The following MVB12B variants were observed in gnomAD, a reference collection of about 807,000 sequenced individuals.
MVB12B encodes multivesicular body subunit 12B, also known as ESCRT-I complex subunit MVB12B.
A neutral mutation model predicts 41.6 loss-of-function variants in MVB12B; 16 were observed. That is an observed-to-expected ratio of 0.38 (90% CI 0.26 to 0.58). The LOEUF is 0.58. MVB12B is among the 20% of genes least tolerant of loss of function. The probability of loss-of-function intolerance (pLI) is 0.62; values close to 1 mark genes in which losing one functional copy is unlikely to be tolerated. For synonymous variants in MVB12B, 133 were observed against 139.7 expected (o/e 0.95, Z 0.34); for missense variants, 274 against 380.2 (o/e 0.72, Z 2.32).
chr9:126,496,012 T>C (rs964277166), intron 9 of MVB12B, among the ~76,000 whole-genome samples: 8 of 152,098 alleles, frequency 5.3e-5, no homozygotes, highest in African/African-American at 1.9e-4. Context: ...TGTCACTCAG[T>C]CATGCCCAGG....
chr9:126,481,939 C>T (rs912400054), intron 8 of MVB12B, among the ~76,000 whole-genome samples: 2 of 152,266 alleles, frequency 1.3e-5, no homozygotes, highest in Non-Finnish European at 2.9e-5. Context: ...ACGGAGGCCG[C>T]CATGCAAATG....
At chr9:126,420,063 G>A (rs1371233094) in intron 6 of MVB12B, among the ~76,000 whole-genome samples, 1 of 152,170 alleles carries the variant, frequency 6.6e-6, no homozygotes, top group Non-Finnish European at 1.5e-5. Flanking sequence ...ACTCCCTGGT[G>A]GGTGCCTTTC....
rs751132994 is a variant in MVB12B, at chr9:126,392,099, T to A, written c.443T>A (p.Ile148Asn). The A allele has an allele frequency of 6.2e-7, 1 of 1,614,238 alleles. No homozygotes were observed. The highest frequency in any genetic ancestry group is 8.5e-7 in the Non-Finnish European group (1 of 1,180,018). The change falls in exon 5 of 10, where the codon ATT becomes AAT. Residue 148 changes from isoleucine to asparagine, a missense_variant. By Grantham distance (149) the Ile-to-Asn change is moderately radical. Coordinates refer to ENST00000361171, the MANE Select transcript of MVB12B (RefSeq NM_033446.3). The surrounding 1 kb of genome is among the most constrained non-coding windows in gnomAD (Gnocchi z 4.8). ...EVAFRKKRLC[I>N]KFIPRDSTEA... is the part of the protein sequence containing the mutation. ...GCTTTTAGGAAGAAGAGGCTGTGCA[T>A]TAAATTTATTCCACGGGATTCAACG...
chr9:126,331,507 C>G (rs978527244), intron 1 of MVB12B, among the ~76,000 whole-genome samples: 1 of 152,006 alleles, frequency 6.6e-6, no homozygotes, highest in Non-Finnish European at 1.5e-5. Flanking sequence ...TTTATAGATC[C>G]ACATATTAAC....
chr9:126,401,169 G>T (rs187393641), intron 6 of MVB12B, among the ~76,000 whole-genome samples: 1 of 152,248 alleles, frequency 6.6e-6, no homozygotes, highest in African/African-American at 2.4e-5. Context: ...GGGGGAAAGG[G>T]TTATTTTCCC....
chr9:126,486,919 G>A lies in MVB12B; in HGVS notation c.873+2887G>A, dbSNP rs1447166166. On this transcript the variant is annotated intron_variant, in intron 9 of 9. Transcript: ENST00000361171. The surrounding 1 kb of genome is among the most constrained non-coding windows in gnomAD (Gnocchi z 4.7). ...GGTGGGCCTTCGAGTTGCTGGGGTG[G>A]GGTGAAGTGGGTGACGGTCCCAGTG... Among the ~76,000 whole-genome samples the A allele has an allele frequency of 6.6e-6, 1 of 152,178 alleles. No homozygotes were observed. The highest frequency in any genetic ancestry group is 6.5e-5 in the Admixed American group (1 of 15,282).
At chr9:126,332,977 C>T (rs959593715) in intron 1 of MVB12B, among the ~76,000 whole-genome samples, 1 of 152,192 alleles carries the variant, frequency 6.6e-6, no homozygotes, top group Non-Finnish European at 1.5e-5. Context: ...TGTGCACATA[C>T]GTGTGCTAAG....
chr9:126,499,550 G>C (rs928590249), intron 9 of MVB12B, among the ~76,000 whole-genome samples: 5 of 152,234 alleles, frequency 3.3e-5, no homozygotes, highest in African/African-American at 1.2e-4. Context: ...GGTACTCGCT[G>C]TTTGCCCAAG....
rs149849376 is a variant in MVB12B, at chr9:126,464,179, C to T, written c.758-17190C>T. On this transcript the variant is annotated intron_variant, in intron 7 of 9. Coordinates refer to ENST00000361171, the MANE Select transcript of MVB12B (RefSeq NM_033446.3). ...AGGGGAAGACATCCAGGCAGATGAT[C>T]GGAGCACAGTCATCCACTATGATGG... Among the ~76,000 whole-genome samples, 132 of 152,250 alleles carry T rather than the reference C, an allele frequency of 8.7e-4. 2 individuals carry two copies. In the East Asian group the frequency reaches 0.015, roughly 18 times the overall value.
Position 126,486,785 on chromosome 9 carries a change from C to T in MVB12B, c.873+2753C>T, listed in dbSNP as rs1359657596. On this transcript the variant is annotated intron_variant, in intron 9 of 9. Coordinates refer to ENST00000361171, the MANE Select transcript of MVB12B (RefSeq NM_033446.3). The surrounding 1 kb of genome is among the most constrained non-coding windows in gnomAD (Gnocchi z 4.7). ...ACTGGCCAAAGACAAGGTGGAGACCCAGTGTGTCGTGCTCCAAGTCCTCCC... is the reference window on the plus strand; with the variant it reads ...ACTGGCCAAAGACAAGGTGGAGACCTAGTGTGTCGTGCTCCAAGTCCTCCC... Among the ~76,000 whole-genome samples, 2 of 152,152 alleles carry T rather than the reference C, an allele frequency of 1.3e-5. No individual in the cohort carries two copies. Among genetic ancestry groups the T allele is most frequent in the Admixed American group, 1.3e-4 (2 of 15,276 alleles).
intron 7 of MVB12B, among the ~76,000 whole-genome samples, chr9:126,424,892 C>G (rs186338605): frequency 6.6e-6 from 1 of 152,288 alleles, no homozygotes; most frequent in African/African-American, 2.4e-5. Flanking sequence ...GGATAAGCAC[C>G]GCCACTTCTC....
At chr9:126,446,771 A>G (rs1466630280) in intron 7 of MVB12B, among the ~76,000 whole-genome samples, 1 of 151,860 alleles carries the variant, frequency 6.6e-6, no homozygotes, top group Non-Finnish European at 1.5e-5. Flanking sequence ...TAATATACCT[A>G]TAGTCATATA....
chr9:126,380,076 G>A (rs141481297), intron 2 of MVB12B, among the ~76,000 whole-genome samples: 67 of 152,330 alleles, frequency 4.4e-4, no homozygotes, highest in African/African-American at 1.2e-3. Flanking sequence ...CCCAAAACAG[G>A]CACTGCTCCT....
At chr9:126,456,736 G>A (rs957715347) in intron 7 of MVB12B, among the ~76,000 whole-genome samples, 1 of 152,136 alleles carries the variant, frequency 6.6e-6, no homozygotes, top group African/African-American at 2.4e-5. Flanking sequence ...CCTTCCTAGA[G>A]GCCATGTCCA....
At chr9:126,418,945 G>A (rs1182921021) in intron 6 of MVB12B, among the ~76,000 whole-genome samples, 7 of 151,996 alleles carry the variant, frequency 4.6e-5, no homozygotes, top group East Asian at 1.9e-4. Context: ...GGATATTTTC[G>A]TGTCCCCCTG....
chr9:126,426,444 T>C (rs1832178853), intron 7 of MVB12B, among the ~76,000 whole-genome samples: 1 of 152,146 alleles, frequency 6.6e-6, no homozygotes, highest in African/African-American at 2.4e-5. Flanking sequence ...TCATGTTGAT[T>C]TCTCTAGGTT....
chr9:126,403,750 T>C (rs1029479872), intron 6 of MVB12B, among the ~76,000 whole-genome samples: 4 of 152,198 alleles, frequency 2.6e-5, no homozygotes, highest in African/African-American at 9.7e-5. Flanking sequence ...TAAAGAACTC[T>C]GAATTCCAGG....
At chr9:126,416,378 C>T (rs193218569) in intron 6 of MVB12B, among the ~76,000 whole-genome samples, 1 of 152,308 alleles carries the variant, frequency 6.6e-6, no homozygotes, top group Admixed American at 6.5e-5. Context: ...GACCCACATC[C>T]AGCGGACTCG....
At chr9:126,457,977 A>G (rs924580268) in intron 7 of MVB12B, among the ~76,000 whole-genome samples, 29 of 152,164 alleles carry the variant, frequency 1.9e-4, no homozygotes, top group African/African-American at 7.0e-4. Flanking sequence ...GGACTTTTTC[A>G]CAATAAAGAC....
Sources: allele counts gnomAD v4.1 joint callset (sites outside exome capture counted in the v4.1 genomes callset), GRCh38; gene constraint gnomAD v4.1.1; non-coding constraint Gnocchi (gnomAD v3.1); transcripts MANE v1.5; gene names NCBI Gene and HGNC (gene_info 2026-07-23, HGNC 2026-07-21).